NME7: variants seen among roughly 807,000 people sequenced by gnomAD.
The protein encoded by NME7 is NME/NM23 family member 7, also known as nucleoside diphosphate kinase 7.
In NME7, 41 loss-of-function variants were observed where a neutral mutation model predicts 49.1. The observed-to-expected ratio is 0.83, with a 90% CI of 0.65 to 1.08. The LOEUF (loss-of-function observed/expected upper bound fraction) is 1.08, where lower values mean the gene tolerates loss of function less well. Among genes scored for constraint, NME7 ranks in the 50% least tolerant of loss-of-function variants. NME7 has a pLI of 0.00. For missense variants in NME7, 423 were observed against 463.4 expected (o/e 0.91, Z 0.80); for synonymous variants, 139 against 150.6 (o/e 0.92, Z 0.56).
rs753080220 is a variant in NME7 at position 169,169,109 on chromosome 1, T to G, written c.1098+338A>C. 2.9e-4 allele frequency: 132 copies of G among 462,382 alleles called. 3 individuals carry two copies. The highest frequency in any genetic ancestry group is 7.6e-4 in the South Asian group (45 of 59,598). The allele number at this position is 462,382 out of a possible 1,614,324, so 28.6% of individuals were successfully genotyped here. On this transcript the variant is annotated intron_variant, in intron 11 of 11. Transcript: ENST00000367811. ...TAAATTCTTTGAAAGCTATGCAGCATGCTACAATTTGGTCTTTCAAAGTTG... is the reference window on the plus strand; with the variant it reads ...TAAATTCTTTGAAAGCTATGCAGCAGGCTACAATTTGGTCTTTCAAAGTTG...
chr1:169,243,174 G>A (rs1340483922), intron 7 of NME7, among the ~76,000 whole-genome samples: 2 of 152,178 alleles, frequency 1.3e-5, no homozygotes, highest in Non-Finnish European at 2.9e-5. Context: ...GAAAGATGGT[G>A]TAGTATTGTC....
intron 7 of NME7, among the ~76,000 whole-genome samples, chr1:169,272,725 T>C (rs1649532493): frequency 7.5e-6 from 1 of 133,194 alleles, no homozygotes; most frequent in Admixed American, 7.4e-5. Context: ...TTCCATGTCT[T>C]TGCTATTGTG....
Position 169,224,703 on chromosome 1 carries a change from G to A in NME7, c.990+6015C>T, listed in dbSNP as rs570070601. ...AAATCTATTCATTTGTCCAGTACATGACTCTAGATGTATTCTTCCATTCAT... is the reference window on the plus strand; with the variant it reads ...AAATCTATTCATTTGTCCAGTACATAACTCTAGATGTATTCTTCCATTCAT... On this transcript the variant is annotated intron_variant, in intron 10 of 11. Coordinates refer to ENST00000367811, the MANE Select transcript of NME7 (RefSeq NM_013330.5). Among the ~76,000 whole-genome samples the A allele has an allele frequency of 6.6e-5, 10 of 152,112 alleles. No homozygotes were observed. The South Asian group carries it at 1.9e-3, about 28-fold the overall frequency.
chr1:169,256,420 C>T (rs888422030), intron 7 of NME7, among the ~76,000 whole-genome samples: 2 of 133,774 alleles, frequency 1.5e-5, no homozygotes, highest in African/African-American at 5.1e-5. Flanking sequence ...TCCATCAGCT[C>T]CTTTAAGCAC....
chr1:169,251,241 T>A (rs34577710), intron 7 of NME7, among the ~76,000 whole-genome samples: 10,642 of 152,108 alleles, frequency 0.07, 1,482 homozygotes, highest in East Asian at 0.66. Context: ...TTCTTTGTCT[T>A]TTTTTACTGT....
intron 10 of NME7, among the ~76,000 whole-genome samples, chr1:169,218,827 T>G (rs1280771631): frequency 6.6e-6 from 1 of 151,918 alleles, no homozygotes; most frequent in East Asian, 1.9e-4. Context: ...CCACTGGAAG[T>G]AGGAAAAAAC....
At chr1:169,258,397 T>TACACAC (rs1362892334) in intron 7 of NME7, among the ~76,000 whole-genome samples, 3 of 82,610 alleles carry the variant, frequency 3.6e-5, no homozygotes, top group African/African-American at 1.4e-4. Flanking sequence ...TATATATATA[T>TACACAC]ATATATATAC....
At chr1:169,189,930 C>G (rs1338157657) in intron 10 of NME7, among the ~76,000 whole-genome samples, 2 of 152,040 alleles carry the variant, frequency 1.3e-5, no homozygotes, top group Non-Finnish European at 2.9e-5. Context: ...TTAAGTAGCT[C>G]TTTTGTATAT....
In NME7 at chr1:169,352,163, T is replaced by C. The variant is rs1192567362; in HGVS notation, c.3+15545A>G. 2.0e-5 allele frequency among the ~76,000 whole-genome samples: 3 copies of C among 152,028 alleles called. No homozygotes were observed. In the South Asian group the frequency reaches 6.2e-4, roughly 32 times the overall value. On this transcript the variant is annotated intron_variant, in intron 1 of 11. Transcript: ENST00000367811. ...AAACTACAGAACAATATCTCTAATA[T>C]TGATGCAGAAATCTTCAAAAATGCT...
chr1:169,178,795 A>G (rs1463247081), intron 10 of NME7, among the ~76,000 whole-genome samples: 1 of 149,730 alleles, frequency 6.7e-6, no homozygotes, highest in Non-Finnish European at 1.5e-5. Context: ...CCTATAATCA[A>G]TTAGACTTCT....
intron 3 of NME7, chr1:169,310,612 A>T (rs1482373677): frequency 6.6e-6 from 1 of 152,526 alleles, no homozygotes; most frequent in East Asian, 1.9e-4. Flanking sequence ...AATACGTAAC[A>T]ACATGCTAAC....
At chr1:169,259,790 C>G (rs576917471) in intron 7 of NME7, among the ~76,000 whole-genome samples, 1 of 134,178 alleles carries the variant, frequency 7.5e-6, no homozygotes, top group South Asian at 2.3e-4. Context: ...TTTCTGACCT[C>G]AAATTCAGGA....
chr1:169,305,025 T>C (rs1370205018), intron 4 of NME7, among the ~76,000 whole-genome samples: 1 of 152,168 alleles, frequency 6.6e-6, no homozygotes, highest in Admixed American at 6.5e-5. Context: ...AAAGCAATCA[T>C]AATCTTTAAC....
intron 11 of NME7, among the ~76,000 whole-genome samples, chr1:169,152,138 T>C (rs985915234): frequency 1.3e-5 from 2 of 152,202 alleles, no homozygotes; most frequent in African/African-American, 2.4e-5. Flanking sequence ...AGGCCTGCCA[T>C]AGAAGTTATA....
chr1:169,186,629 T>A (rs958129302), intron 10 of NME7, among the ~76,000 whole-genome samples: 3 of 152,168 alleles, frequency 2.0e-5, no homozygotes, highest in African/African-American at 7.2e-5. Context: ...TATCATTTTT[T>A]ATTGTGTCTA....
intron 11 of NME7, among the ~76,000 whole-genome samples, chr1:169,141,605 C>A (rs1658596819): frequency 6.6e-6 from 1 of 152,176 alleles, no homozygotes; most frequent in Non-Finnish European, 1.5e-5. Flanking sequence ...AATTACAGTA[C>A]TCTTTACAAG....
chr1:169,224,718 C>T (rs1647246978), intron 10 of NME7, among the ~76,000 whole-genome samples: 1 of 152,096 alleles, frequency 6.6e-6, no homozygotes, highest in East Asian at 1.9e-4. Context: ...TAGATGTATT[C>T]TTCCATTCAT....
At chr1:169,207,047 G>A (rs1419310316) in intron 10 of NME7, among the ~76,000 whole-genome samples, 1 of 152,112 alleles carries the variant, frequency 6.6e-6, no homozygotes, top group Admixed American at 6.6e-5. Context: ...ATAAGGAAAA[G>A]AGGTTTATTT....
Position 169,230,799 on chromosome 1 carries a change from A to G in NME7, c.909T>C (p.Tyr303=), listed in dbSNP as rs757006101. The change falls in exon 10 of 12, where the codon TAT becomes TAC. Residue 303 remains tyrosine, a synonymous_variant. Coordinates refer to ENST00000367811, the MANE Select transcript of NME7 (RefSeq NM_013330.5). The stretch of plus-strand genomic sequence containing the variant: ...TCTCCATTGCTACACAAGGGCCAGA[A>G]TACATTTCTGTCACCATGTCCTATG... ...TEYHDMVTEM[Y]SGPCVAMEIQ... 31 of 1,601,966 alleles carry G rather than the reference A, an allele frequency of 1.9e-5. No homozygotes were observed. In the South Asian group the frequency reaches 3.1e-4, roughly 16 times the overall value.
Sources: allele counts gnomAD v4.1 joint callset (sites outside exome capture counted in the v4.1 genomes callset), GRCh38; gene constraint gnomAD v4.1.1; transcripts MANE v1.5; gene names NCBI Gene and HGNC (gene_info 2026-07-23, HGNC 2026-07-21).